PCDHGA3: variants seen among roughly 807,000 people sequenced by gnomAD.
The protein encoded by PCDHGA3 is protocadherin gamma-A3.
Under a neutral mutation model 58.5 loss-of-function variants are expected in PCDHGA3, and 40 were observed. The observed-to-expected ratio is 0.68, with a 90% CI of 0.53 to 0.89. The LOEUF is 0.89. Among genes scored for constraint, PCDHGA3 ranks in the 40% least tolerant of loss-of-function variants. The pLI, the probability that PCDHGA3 is intolerant of heterozygous loss-of-function variation, is 0.00. For synonymous variants in PCDHGA3, 530 were observed against 525.7 expected (o/e 1.01, Z -0.11); for missense variants, 1,223 against 1,195.9 (o/e 1.02, Z -0.33).
In PCDHGA3 at chr5:141,493,307, AAG is replaced by A. The variant is rs2099747490; in HGVS notation, c.2425-1494_2425-1493del. Among the ~76,000 whole-genome samples, 1 of 152,234 alleles carries A rather than the reference AAG, an allele frequency of 6.6e-6. No homozygotes were observed. Among genetic ancestry groups the A allele is most frequent in the South Asian group, 2.1e-4 (1 of 4,832 alleles). ...ACTTGCTCAAGTTCACAGAGCAAGT[AAG>A]AGAGATTCTAACCCCTGTCTAACTC... On this transcript the variant is annotated intron_variant, in intron 1 of 3. Transcript: ENST00000253812. This position sits in a 1 kb window ranked among gnomAD's most constrained non-coding sequence, Gnocchi z 4.3.
At chr5:141,409,979 G>T in intron 1 of PCDHGA3, 1 of 1,613,348 alleles carries the variant, frequency 6.2e-7, no homozygotes, top group Non-Finnish European at 8.5e-7. Flanking sequence ...TAAGGTGGTA[G>T]CGGTGGACGC....
chr5:141,501,328 CACACA>C (rs1562200832), intron 2 of PCDHGA3, among the ~76,000 whole-genome samples: 17 of 151,710 alleles, frequency 1.1e-4, no homozygotes, highest in African/African-American at 1.9e-4. Context: ...CACACACACA[CACACA>C]CCCCAAACTC....
chr5:141,459,976 G>A (rs1013971472), intron 1 of PCDHGA3, among the ~76,000 whole-genome samples: 1 of 152,202 alleles, frequency 6.6e-6, no homozygotes, highest in Non-Finnish European at 1.5e-5. Flanking sequence ...TACTCAGGAG[G>A]CTGAGACAGG....
chr5:141,417,525 C>G (rs1435259680), intron 1 of PCDHGA3: 1 of 272,692 alleles, frequency 3.7e-6, no homozygotes, highest in African/African-American at 2.2e-5. Flanking sequence ...GCTGTCAACT[C>G]GTAGTTTAAA....
intron 1 of PCDHGA3, chr5:141,403,667 GC>G: frequency 6.2e-7 from 1 of 1,613,910 alleles, no homozygotes; most frequent in Non-Finnish European, 8.5e-7. Context: ...AAATGATAAT[GC>G]CCCGGTTTTT....
chr5:141,473,262 G>T (rs905961411), intron 1 of PCDHGA3, among the ~76,000 whole-genome samples: 2 of 152,188 alleles, frequency 1.3e-5, no homozygotes, highest in Admixed American at 6.5e-5. Flanking sequence ...AGTCCTTAGT[G>T]TATGCTATGA....
intron 1 of PCDHGA3, among the ~76,000 whole-genome samples, chr5:141,454,859 G>A (rs2098805080): frequency 7.9e-6 from 1 of 126,982 alleles, no homozygotes; most frequent in African/African-American, 3.1e-5. Flanking sequence ...CCAGGCTGGA[G>A]TGCAGTGGCA....
Position 141,485,286 on chromosome 5 carries a change from AG to A in PCDHGA3, c.2425-9520del. On this transcript the variant is annotated intron_variant, in intron 1 of 3. Coordinates refer to ENST00000253812, the MANE Select transcript of PCDHGA3 (RefSeq NM_018916.4). This position sits in a 1 kb window ranked among gnomAD's most constrained non-coding sequence, Gnocchi z 5.7. ...CAGATCCGCTACCCGGTCCCAGAGG[AG>A]TCACAGGAAGGGACTTTTGTAGGGA... The A allele has an allele frequency of 6.2e-7, 1 of 1,614,044 alleles. No homozygotes were observed. Among genetic ancestry groups the A allele is most frequent in the Non-Finnish European group, 8.5e-7 (1 of 1,179,928 alleles).
In PCDHGA3 at chr5:141,491,729, C is replaced by T. The variant is rs766649819; in HGVS notation, c.2425-3078C>T. On this transcript the variant is annotated intron_variant, in intron 1 of 3. Coordinates refer to ENST00000253812, the MANE Select transcript of PCDHGA3 (RefSeq NM_018916.4). This position sits in a 1 kb window ranked among gnomAD's most constrained non-coding sequence, Gnocchi z 6.9. ...AGGGGCTCGGCGCCGCCCCGGGCGA[C>T]CCCTGGGGGCGGCACTGGAGAAGCC... 6.1e-5 allele frequency: 98 copies of T among 1,603,832 alleles called. No homozygotes were observed. Among genetic ancestry groups the T allele is most frequent in the Non-Finnish European group, 7.9e-5 (93 of 1,175,848 alleles).
At chr5:141,413,267 GA>G in intron 1 of PCDHGA3, 1 of 1,613,960 alleles carries the variant, frequency 6.2e-7, no homozygotes, top group Non-Finnish European at 8.5e-7. Flanking sequence ...TGGGAGGCTG[GA>G]GCCCGGCAGA....
At chr5:141,443,631 T>C (rs541727440) in intron 1 of PCDHGA3, among the ~76,000 whole-genome samples, 1 of 152,332 alleles carries the variant, frequency 6.6e-6, no homozygotes, top group South Asian at 2.1e-4. Context: ...ATTGTAAAAA[T>C]TGATCCAGAT....
intron 1 of PCDHGA3, among the ~76,000 whole-genome samples, chr5:141,381,588 C>A (rs950260472): frequency 6.6e-6 from 1 of 152,192 alleles, no homozygotes; most frequent in African/African-American, 2.4e-5. Context: ...AATCCATTAT[C>A]CAGTTTCTTA....
intron 1 of PCDHGA3, chr5:141,441,971 G>A: frequency 3.3e-6 from 1 of 298,820 alleles, no homozygotes; most frequent in Non-Finnish European, 6.5e-6. Flanking sequence ...AGGCTCTTCA[G>A]CCTGGAATGC....
At chr5:141,478,708 A>G (rs1394463788) in intron 1 of PCDHGA3, 31 of 1,548,072 alleles carry the variant, frequency 2.0e-5, no homozygotes, top group Non-Finnish European at 2.5e-5. Context: ...TGCCTTTGTG[A>G]GATGGTGGCC....
intron 1 of PCDHGA3, chr5:141,408,498 G>A (rs934521153): frequency 1.7e-5 from 27 of 1,613,634 alleles, no homozygotes; most frequent in Non-Finnish European, 2.3e-5. Flanking sequence ...TGCAAAGAGA[G>A]AAGAAGATGT....
chr5:141,393,922 G>C (rs750880965), intron 1 of PCDHGA3: 16 of 1,613,832 alleles, frequency 9.9e-6, no homozygotes, highest in Middle Eastern at 1.6e-4. Context: ...GCCTTCTTGA[G>C]TGTGCATGAC....
chr5:141,393,527 T>C, intron 1 of PCDHGA3: 2 of 1,613,990 alleles, frequency 1.2e-6, no homozygotes, highest in South Asian at 1.1e-5. Context: ...CAAATGACAA[T>C]GCCCCGGTTT....
intron 2 of PCDHGA3, 107 bp from the exon 3 acceptor site, chr5:141,505,286 A>T: frequency 3.2e-6 from 5 of 1,551,278 alleles, no homozygotes; most frequent in Non-Finnish European, 4.4e-6. Flanking sequence ...GGTCTTGGGC[A>T]TGGGGTAGGG....
intron 1 of PCDHGA3, among the ~76,000 whole-genome samples, chr5:141,368,739 A>G (rs1261663293): frequency 6.6e-6 from 1 of 152,196 alleles, no homozygotes; most frequent in Non-Finnish European, 1.5e-5. Context: ...TATATACCAT[A>G]TACTTTTAAA....
Sources: gnomAD v4.1 joint callset for allele counts (sites outside exome capture counted in the v4.1 genomes callset) on GRCh38, gnomAD v4.1.1 for gene constraint, Gnocchi (gnomAD v3.1) non-coding constraint, MANE v1.5 for transcripts, NCBI Gene and HGNC (gene_info 2026-07-23, HGNC 2026-07-21) for gene names.